Variants in STARD10 observed in about 807,000 individuals in gnomAD.
The protein encoded by STARD10 is START domain-containing protein 10.
A neutral mutation model predicts 36.0 loss-of-function variants in STARD10; 24 were observed. The ratio of observed to expected loss-of-function variants is 0.67; its 90% CI spans 0.48 to 0.94. The LOEUF (loss-of-function observed/expected upper bound fraction) is 0.94. Ranked by LOEUF, STARD10 falls within the 40% of genes least tolerant of loss-of-function variation. The pLI is 0.00. For missense variants in STARD10, 335 were observed against 396.6 expected (o/e 0.84, Z 1.32); for synonymous variants, 156 against 161.9 (o/e 0.96, Z 0.28).
At chr11:72,787,434 G>A (rs72964896) in intron 1 of STARD10, among the ~76,000 whole-genome samples, 14,808 of 152,238 alleles carry the variant, frequency 0.097, 860 homozygotes, top group South Asian at 0.21. Context: ...CAGCAGGTGG[G>A]GAGGCCTCTT....
intron 2 of STARD10, among the ~76,000 whole-genome samples, chr11:72,779,424 T>A (rs1018081337): frequency 6.6e-6 from 1 of 152,088 alleles, no homozygotes. Flanking sequence ...AAACCCTATC[T>A]CTACTACAAA....
At chr11:72,755,360 G>T in intron 6 of STARD10, 2 of 591,212 alleles carry the variant, frequency 3.4e-6, no homozygotes, top group Non-Finnish European at 5.8e-6. Context: ...GCCCAGGCTG[G>T]AGTGCAGTGG....
chr11:72,789,078 C>A (rs1859111198), intron 1 of STARD10, among the ~76,000 whole-genome samples: 1 of 152,158 alleles, frequency 6.6e-6, no homozygotes, highest in South Asian at 2.1e-4. Flanking sequence ...AACTTCTGGC[C>A]TCAAGCAATC....
chr11:72,791,085 C>G (rs1035769376), intron 1 of STARD10, among the ~76,000 whole-genome samples: 2 of 152,160 alleles, frequency 1.3e-5, no homozygotes, highest in African/African-American at 4.8e-5. Flanking sequence ...TATAGGTAAA[C>G]CTTGATAACA....
In STARD10 at chr11:72,754,980, C is replaced by CGTCGATGTTCTCCAGTGAGTCCGCAT; in HGVS notation, c.767_792dup (p.Glu265MetfsTer87). ...TCTCTGCTCTCGGCCACCGCGCTCTCGTCGATGTTCTCCAGTGAGTCCGCA... is the reference window on the plus strand; with the variant it reads ...TCTCTGCTCTCGGCCACCGCGCTCTCGTCGATGTTCTCCAGTGAGTCCGCATGTCGATGTTCTCCAGTGAGTCCGCA... On this transcript the variant is annotated frameshift_variant, in exon 7 of 7. Transcript: ENST00000334805. LOFTEE classifies it high-confidence loss of function. 6.2e-7 allele frequency: 1 copy of CGTCGATGTTCTCCAGTGAGTCCGCAT among 1,611,782 alleles called. No homozygotes were observed. The highest frequency in any genetic ancestry group is 8.5e-7 in the Non-Finnish European group (1 of 1,179,544).
rs1411484340 is a variant in STARD10 at position 72,759,242 on chromosome 11, T to G, written c.347A>C (p.Tyr116Ser). ...GTGCTACGCCTGCTCACAGGAGTAA[T>G]AGCCCACGTCAGCGTTGACTGTCAA... is the stretch of plus-strand genomic sequence containing the variant. The part of the protein sequence containing the change: ...ARLTVNADVG[Y>S]YSWRCPKPLK... The change falls in exon 3 of 7, where the codon TAT becomes TCT. Residue 116 changes from tyrosine to serine, a missense_variant. Transcript: ENST00000334805. 1.2e-6 allele frequency: 2 copies of G among 1,613,966 alleles called. No homozygotes were observed. The highest frequency in any genetic ancestry group is 1.1e-5 in the South Asian group (1 of 91,078).
chr11:72,763,802 ACAGGGAGGTC>A (rs1858751762), intron 2 of STARD10, among the ~76,000 whole-genome samples: 1 of 152,208 alleles, frequency 6.6e-6, no homozygotes, highest in Admixed American at 6.5e-5. Flanking sequence ...CTAAGCGGCC[ACAGGGAGGTC>A]CAGGCACTGC....
intron 2 of STARD10, 81 bp downstream of exon 2, chr11:72,780,894 G>T (rs1225481939): frequency 1.4e-6 from 2 of 1,418,168 alleles, no homozygotes; most frequent in African/African-American, 1.4e-5. Context: ...CAGGTGTCTA[G>T]CCCGGAGAGA....
At chr11:72,759,164 A>G (rs1173607203) in intron 3 of STARD10, 70 bp downstream of exon 3, 3 of 1,563,724 alleles carry the variant, frequency 1.9e-6, no homozygotes, top group South Asian at 1.2e-5. Context: ...GGGAGGGGGG[A>G]AGAGGAGGCT....
chr11:72,784,514 G>A (rs1338880624), intron 1 of STARD10, among the ~76,000 whole-genome samples: 3 of 152,208 alleles, frequency 2.0e-5, no homozygotes, highest in Non-Finnish European at 2.9e-5. Context: ...ACTGGGGCAG[G>A]GAGGAATACA....
At chr11:72,780,009 G>A (rs970434872) in intron 2 of STARD10, 1 of 293,214 alleles carries the variant, frequency 3.4e-6, no homozygotes, top group Non-Finnish European at 7.2e-6. Flanking sequence ...ATTTCCAGGA[G>A]GATAGCAGAA....
intron 1 of STARD10, among the ~76,000 whole-genome samples, chr11:72,792,441 T>C (rs887575301): frequency 2.0e-4 from 31 of 152,238 alleles, no homozygotes; most frequent in African/African-American, 6.5e-4. Flanking sequence ...CAATCTGTAA[T>C]GAGACCTCAG....
Position 72,781,067 on chromosome 11 carries a change from C to T in STARD10, c.115G>A (p.Ala39Thr), listed in dbSNP as rs199692569. ...DFRSFRSECE[A>T]EVGWNLTYSR... ...TAGGTCAGGTTCCAGCCCACCTCAG[C>T]CTCACACTCTGACCGGAAGCTGCGA... is the stretch of plus-strand genomic sequence containing the variant. Residue 39 changes from alanine to threonine, a missense_variant, in exon 2 of 7, where the codon GCT becomes ACT. Physicochemically the swap from Ala to Thr is moderately conservative, Grantham distance 58 (BLOSUM62 0). Transcript: ENST00000334805. The surrounding 1 kb of genome is among the most constrained non-coding windows in gnomAD (Gnocchi z 4.7). 1.3e-5 allele frequency: 21 copies of T among 1,614,172 alleles called. No homozygotes were observed. In the East Asian group the frequency reaches 4.5e-4, roughly 34 times the overall value.
chr11:72,761,400 C>T (rs933133073), intron 2 of STARD10, among the ~76,000 whole-genome samples: 2 of 152,118 alleles, frequency 1.3e-5, no homozygotes, highest in African/African-American at 4.8e-5. Context: ...TGAACATGAT[C>T]AGAGTATCAA....
chr11:72,756,910 C>T (rs1229778142), intron 5 of STARD10, among the ~76,000 whole-genome samples: 1 of 152,004 alleles, frequency 6.6e-6, no homozygotes, highest in Non-Finnish European at 1.5e-5. Context: ...CTTTGGGAGG[C>T]CAAGGTGGGT....
rs371252313 is a variant in STARD10 at position 72,757,879 on chromosome 11, G to A, written c.465C>T (p.Tyr155=). ...CTCGGACCAAGTCTTTCCGAGGTGG[G>A]TATTTCTGGGGATGGAAGGCACAGG... ...IMNYSVKHPK[Y]PPRKDLVRAV... is the part of the protein sequence containing the mutation. Residue 155 remains tyrosine, a synonymous_variant, in exon 5 of 7, where the codon TAC becomes TAT. Transcript: ENST00000334805. 6.2e-7 allele frequency: 1 copy of A among 1,614,022 alleles called. No homozygotes were observed. The highest frequency in any genetic ancestry group is 1.3e-5 in the African/African-American group (1 of 74,936).
intron 4 of STARD10, 21 bp from the exon 5 acceptor site, chr11:72,757,905 G>A (rs759018394): frequency 3.1e-6 from 5 of 1,608,868 alleles, no homozygotes; most frequent in African/African-American, 1.3e-5. Flanking sequence ...AAGGCACAGG[G>A]AGGTGAGACT....
At position 72,759,216 on chromosome 11, in the gene STARD10, C is replaced by A. The variant is rs768518521; in HGVS notation, c.355+18G>T. On this transcript the variant is annotated intron_variant, in intron 3 of 6. Coordinates refer to ENST00000334805, the MANE Select transcript of STARD10 (RefSeq NM_006645.3). Reference sequence around the variant, plus strand: ...TGGAGGCCAAGGGGACTGGGATCAGCGTGCTACGCCTGCTCACAGGAGTAA... The same window carrying A: ...TGGAGGCCAAGGGGACTGGGATCAGAGTGCTACGCCTGCTCACAGGAGTAA... 3 of 1,613,194 alleles carry A rather than the reference C, an allele frequency of 1.9e-6. No individual in the cohort carries two copies. Among genetic ancestry groups the A allele is most frequent in the Non-Finnish European group, 2.5e-6 (3 of 1,179,566 alleles).
intron 6 of STARD10, chr11:72,755,374 G>C (rs1339025856): frequency 1.3e-5 from 7 of 559,382 alleles, no homozygotes; most frequent in Non-Finnish European, 1.9e-5. Flanking sequence ...GCAGTGGCAT[G>C]ATATCGGCTC....
Sources: gnomAD v4.1 joint callset for allele counts (sites outside exome capture counted in the v4.1 genomes callset) on GRCh38, gnomAD v4.1.1 for gene constraint, Gnocchi (gnomAD v3.1) non-coding constraint, MANE v1.5 for transcripts, NCBI Gene and HGNC (gene_info 2026-07-23, HGNC 2026-07-21) for gene names.